The following RCOR2 variants were observed in gnomAD, a reference collection of about 807,000 sequenced individuals.
RCOR2 encodes REST corepressor 2.
A neutral mutation model predicts 58.9 loss-of-function variants in RCOR2; 19 were observed. The ratio of observed to expected loss-of-function variants is 0.32; its 90% CI spans 0.23 to 0.47. The LOEUF (loss-of-function observed/expected upper bound fraction) is 0.47. RCOR2 is among the 20% of genes least tolerant of loss of function. The pLI, the probability that RCOR2 is intolerant of heterozygous loss-of-function variation, is 1.00. For missense variants in RCOR2, 590 were observed against 707.9 expected (o/e 0.83, Z 1.89); for synonymous variants, 286 against 278.7 (o/e 1.03, Z -0.26).
chr11:63,915,129 A>G, intron 3 of RCOR2, 49 bp downstream of exon 3: 2 of 1,519,046 alleles, frequency 1.3e-6, no homozygotes, highest in South Asian at 2.4e-5. Flanking sequence ...GCTAGCTTGG[A>G]GCTGGGATGA....
chr11:63,912,651 C>T, intron 10 of RCOR2, 25 bp downstream of exon 10: 4 of 1,612,994 alleles, frequency 2.5e-6, no homozygotes, highest in Non-Finnish European at 3.4e-6. Flanking sequence ...CTGGGGTCCT[C>T]TCTTCTCACC....
At position 63,912,168 on chromosome 11, in the gene RCOR2, T is replaced by C. The variant is rs373028741; in HGVS notation, c.1269A>G (p.Thr423=). 17 of 1,554,580 alleles carry C rather than the reference T, an allele frequency of 1.1e-5. No individual in the cohort carries two copies. In the African/African-American group the frequency reaches 2.1e-4, roughly 19 times the overall value. Residue 423 remains threonine, a synonymous_variant, in exon 12 of 12, where the codon ACA becomes ACG. Coordinates refer to ENST00000301459, the MANE Select transcript of RCOR2 (RefSeq NM_173587.4). ...ALEEDDEVQI[T]SVSTSVPRSV... ...ATCGGGGCACGGACGTGGAGACCGA[T>C]GTAATCTGGACCTGAGGGGAGAGGA...
chr11:63,915,175 C>T lies in RCOR2; in HGVS notation c.265+3G>A, dbSNP rs1346552878. The T allele has an allele frequency of 1.9e-6, 3 of 1,551,268 alleles. No homozygotes were observed. The highest frequency in any genetic ancestry group is 2.6e-6 in the Non-Finnish European group (3 of 1,146,694). On this transcript the variant is annotated splice_donor_region_variant and intron_variant, in intron 3 of 11. Transcript: ENST00000301459. ...CCACCTCCCAGGGCTGTGCCCCACT[C>T]ACGCTTGGCATCTGACACACAGTGG...
intron 8 of RCOR2, 94 bp from the exon 9 acceptor site, chr11:63,913,041 A>C (rs1941800434): frequency 9.6e-7 from 1 of 1,041,210 alleles, no homozygotes; most frequent in Admixed American, 2.3e-5. Flanking sequence ...AGACACCAGC[A>C]CCACTGCCCC....
chr11:63,912,858 G>C lies in RCOR2; in HGVS notation c.969+12C>G, dbSNP rs1236048028. On this transcript the variant is annotated intron_variant, in intron 9 of 11. Transcript: ENST00000301459. ...ACCCCCCTTTGCACCCTAACTTAAAGAGCAGCCATACCTCCGGGGGGCGTA... is the reference window on the plus strand; with the variant it reads ...ACCCCCCTTTGCACCCTAACTTAAACAGCAGCCATACCTCCGGGGGGCGTA... 6.2e-7 allele frequency: 1 copy of C among 1,613,308 alleles called. No homozygotes were observed. Among genetic ancestry groups the C allele is most frequent in the Non-Finnish European group, 8.5e-7 (1 of 1,179,624 alleles).
At chr11:63,921,731 C>T (rs1181850506), upstream of RCOR2, among the ~76,000 whole-genome samples, 1 of 152,242 alleles carries the variant, frequency 6.6e-6, no homozygotes, top group African/African-American at 2.4e-5. Context: ...CCCTCTTGAG[C>T]ACCCCCAGCA....
chr11:63,920,562 A>G (rs1318913978), upstream of RCOR2, among the ~76,000 whole-genome samples: 3 of 151,468 alleles, frequency 2.0e-5, no homozygotes, highest in African/African-American at 7.3e-5. Context: ...AGGCAGCGGG[A>G]GGGCCCCGGG....
At position 63,911,938 on chromosome 11, in the gene RCOR2, C is replaced by G; in HGVS notation, c.1499G>C (p.Ser500Thr). 8.3e-7 allele frequency: 1 copy of G among 1,201,066 alleles called. No individual in the cohort carries two copies. The highest frequency in any genetic ancestry group is 1.1e-6 in the Non-Finnish European group (1 of 909,822). The allele number at this position is 1,201,066 out of a possible 1,614,324, so 74.4% of individuals were successfully genotyped here. A position where few individuals can be genotyped will look rare whatever the true frequency, so the allele number is the denominator to read the frequency against. The change falls in exon 12 of 12, where the codon AGC becomes ACC. Residue 500 changes from serine to threonine, a missense_variant. Ser to Thr is a moderately conservative substitution (Grantham distance 58). Coordinates refer to ENST00000301459, the MANE Select transcript of RCOR2 (RefSeq NM_173587.4). ...TGGGGGCTGAGGGCCAGGGCGGGCG[C>G]TGTGGCGGGGGGCAGCCAGAGCGGG... is the stretch of plus-strand genomic sequence containing the variant. ...IRPALAAPRHSARPGPQPPPT... is the reference protein window; with the variant it reads ...IRPALAAPRHTARPGPQPPPT...
Position 63,911,649 on chromosome 11 carries a change from C to CA in RCOR2, c.*215dup. The CA allele has an allele frequency of 2.9e-6, 2 of 679,922 alleles. No homozygotes were observed. Among genetic ancestry groups the CA allele is most frequent in the Non-Finnish European group, 4.4e-6 (2 of 458,066 alleles). The allele number at this position is 679,922 out of a possible 1,614,324, so 42.1% of individuals were successfully genotyped here. ...AAGCGAAAGTGCCCTCAGGCCAGCT[C>CA]AAAGGCCCCTGAGCCCGGCCATGGC... is the stretch of plus-strand genomic sequence containing the variant. On this transcript the variant is annotated 3_prime_UTR_variant, in exon 12 of 12. Coordinates refer to ENST00000301459, the MANE Select transcript of RCOR2 (RefSeq NM_173587.4).
At chr11:63,920,638 G>T (rs1447291940), upstream of RCOR2, among the ~76,000 whole-genome samples, 1 of 152,182 alleles carries the variant, frequency 6.6e-6, no homozygotes, top group Non-Finnish European at 1.5e-5. Flanking sequence ...GCTGGGGGGA[G>T]GTGCTTCCAT....
upstream of RCOR2, among the ~76,000 whole-genome samples, chr11:63,920,877 A>G (rs377064500): frequency 3.9e-4 from 58 of 148,506 alleles, no homozygotes; most frequent in East Asian, 9.0e-3. Flanking sequence ...CCTAGCCGGC[A>G]CTCCTTCCCC....
At position 63,912,188 on chromosome 11, in the gene RCOR2, A is replaced by C; in HGVS notation, c.1258-9T>G. 6.4e-7 allele frequency: 1 copy of C among 1,572,002 alleles called. No homozygotes were observed. Among genetic ancestry groups the C allele is most frequent in the African/African-American group, 1.4e-5 (1 of 73,870 alleles). ...ACCGATGTAATCTGGACCTGAGGGG[A>C]GAGGAAAGAGTGAGAAGCCAGGCTC... is the stretch of plus-strand genomic sequence containing the variant. On this transcript the variant is annotated splice_polypyrimidine_tract_variant and intron_variant, in intron 11 of 11. Transcript: ENST00000301459.
Position 63,915,542 on chromosome 11 carries a change from T to C in RCOR2, c.184+13A>G. ...CACCCCCACCCCACTTCACAGCCTGTCCTGCGGCTCACCAGGCTTGCACTC... is the reference window on the plus strand; with the variant it reads ...CACCCCCACCCCACTTCACAGCCTGCCCTGCGGCTCACCAGGCTTGCACTC... On this transcript the variant is annotated intron_variant, in intron 2 of 11. Transcript: ENST00000301459. 1 of 1,555,580 alleles carries C rather than the reference T, an allele frequency of 6.4e-7. No individual in the cohort carries two copies. The highest frequency in any genetic ancestry group is 8.7e-7 in the Non-Finnish European group (1 of 1,148,832).
the RCOR2 span, among the ~76,000 whole-genome samples, chr11:63,925,030 T>C: frequency 6.6e-6 from 1 of 152,008 alleles, no homozygotes; most frequent in African/African-American, 2.4e-5. Context: ...TTTTTGTATT[T>C]TTAGTACAGC....
the RCOR2 span, among the ~76,000 whole-genome samples, chr11:63,925,162 A>T: frequency 6.6e-6 from 1 of 152,020 alleles, no homozygotes; most frequent in Non-Finnish European, 1.5e-5. Flanking sequence ...CTCCAGGGTG[A>T]TCTTTCTAAA....
In RCOR2 at chr11:63,916,315, G is replaced by C; in HGVS notation, c.127+15C>G. 1.3e-6 allele frequency: 2 copies of C among 1,595,838 alleles called. No individual in the cohort carries two copies. The highest frequency in any genetic ancestry group is 2.3e-5 in the South Asian group (2 of 88,442). ...CCAGGCCGGCGCGCCTTTAACCCTAGGCCACCGGGCTCACCGTGCGAGTGC... is the reference window on the plus strand; with the variant it reads ...CCAGGCCGGCGCGCCTTTAACCCTACGCCACCGGGCTCACCGTGCGAGTGC... On this transcript the variant is annotated intron_variant, in intron 1 of 11. Coordinates refer to ENST00000301459, the MANE Select transcript of RCOR2 (RefSeq NM_173587.4).
the RCOR2 span, among the ~76,000 whole-genome samples, chr11:63,925,050 ACCGT>A: frequency 6.6e-6 from 1 of 151,552 alleles, no homozygotes; most frequent in Admixed American, 6.6e-5. Context: ...CCGGGGTTTC[ACCGT>A]GTTGGCCAGG....
chr11:63,922,631 T>C, the RCOR2 span, among the ~76,000 whole-genome samples: 1 of 152,332 alleles, frequency 6.6e-6, no homozygotes. Context: ...GGATTACAAG[T>C]GTGAGCCACT....
chr11:63,915,714 C>G, intron 1 of RCOR2, 103 bp from the exon 2 acceptor site: 1 of 1,005,358 alleles, frequency 9.9e-7, no homozygotes, highest in Non-Finnish European at 1.5e-6. Flanking sequence ...CCTTCCTGAC[C>G]ACCCAGGGCC....
Sources: allele counts gnomAD v4.1 joint callset (sites outside exome capture counted in the v4.1 genomes callset), GRCh38; gene constraint gnomAD v4.1.1; transcripts MANE v1.5; gene names NCBI Gene and HGNC (gene_info 2026-07-23, HGNC 2026-07-21).